PLOD2: variants seen among roughly 807,000 people sequenced by gnomAD.
PLOD2 encodes the protein lysine hydroxylase 2.
In PLOD2, 65 loss-of-function variants were observed where a neutral mutation model predicts 101.0. That is an observed-to-expected ratio of 0.64 (90% CI 0.53 to 0.79). The LOEUF (loss-of-function observed/expected upper bound fraction) is 0.79. PLOD2 is among the 30% of genes least tolerant of loss of function. PLOD2 has a pLI of 0.00. For synonymous variants in PLOD2, 314 were observed against 302.9 expected, an observed-to-expected ratio of 1.04 and a Z score of -0.38; for missense variants, 909 against 914.6, an observed-to-expected ratio of 0.99 and a Z score of 0.08.
chr3:146,142,672 C>G (rs1310913199), intron 1 of PLOD2, among the ~76,000 whole-genome samples: 1 of 152,066 alleles, frequency 6.6e-6, no homozygotes, highest in East Asian at 1.9e-4. Context: ...AGTTCTTGCC[C>G]TTAAACAAAG....
At chr3:146,074,129 T>C (rs1936246773) in intron 15 of PLOD2, among the ~76,000 whole-genome samples, 1 of 151,516 alleles carries the variant, frequency 6.6e-6, no homozygotes, top group Non-Finnish European at 1.5e-5. Context: ...CACAAAGATA[T>C]CTCAACTTTT....
intron 7 of PLOD2, among the ~76,000 whole-genome samples, chr3:146,097,801 A>AT (rs879805089): frequency 0.022 from 2,144 of 98,812 alleles, 25 homozygotes; most frequent in Non-Finnish European, 0.033. Context: ...TCAATAAAAA[A>AT]AAAATAATAA....
chr3:146,094,451 G>A (rs898779773), intron 7 of PLOD2, among the ~76,000 whole-genome samples: 3 of 152,012 alleles, frequency 2.0e-5, no homozygotes, highest in Admixed American at 2.0e-4. Context: ...ATAATAGACA[G>A]AGAGCCAAAT....
rs756463767 is a variant in PLOD2 at position 146,102,717 on chromosome 3, C to T, written c.777+38G>A. On this transcript the variant is annotated intron_variant, in intron 7 of 19. Coordinates refer to ENST00000282903, the MANE Select transcript of PLOD2 (RefSeq NM_182943.3). The stretch of plus-strand genomic sequence containing the variant: ...TTCCACATATCAATCCATAGTCTAT[C>T]TCCAAGAATTGGCCAAATAAAAGTA... 24 of 1,000,376 alleles carry T rather than the reference C, an allele frequency of 2.4e-5. No individual in the cohort carries two copies. In the South Asian group the frequency reaches 2.9e-4, roughly 12 times the overall value. The allele number at this position is 1,000,376 out of a possible 1,614,324, so 62.0% of individuals were successfully genotyped here.
At chr3:146,149,630 AATAAG>A (rs1316686247) in intron 1 of PLOD2, among the ~76,000 whole-genome samples, 1 of 152,208 alleles carries the variant, frequency 6.6e-6, no homozygotes, top group African/African-American at 2.4e-5. Flanking sequence ...AAGTGATATT[AATAAG>A]ATAAAAGTTT....
At chr3:146,151,491 C>T (rs887623727) in intron 1 of PLOD2, among the ~76,000 whole-genome samples, 1 of 151,196 alleles carries the variant, frequency 6.6e-6, no homozygotes, top group African/African-American at 2.4e-5. Flanking sequence ...GAACGAAACT[C>T]CGTTTCAAAA....
At chr3:146,112,141 T>C (rs764183322) in intron 3 of PLOD2, among the ~76,000 whole-genome samples, 4 of 152,206 alleles carry the variant, frequency 2.6e-5, no homozygotes, top group Non-Finnish European at 5.9e-5. Context: ...AGCAATCCCA[T>C]TGCTGGGTAT....
intron 6 of PLOD2, among the ~76,000 whole-genome samples, chr3:146,103,967 C>A (rs2108056769): frequency 6.6e-6 from 1 of 152,100 alleles, no homozygotes; most frequent in South Asian, 2.1e-4. Context: ...CAAAGAATTT[C>A]ACTAGAAAAT....
chr3:146,110,042 G>T (rs1937600660), intron 4 of PLOD2, among the ~76,000 whole-genome samples: 1 of 152,016 alleles, frequency 6.6e-6, no homozygotes, highest in Non-Finnish European at 1.5e-5. Flanking sequence ...ATCTCTAGAA[G>T]TCACTTAAAT....
chr3:146,101,624 CAGCG>C (rs1937392042), intron 7 of PLOD2, among the ~76,000 whole-genome samples: 1 of 152,194 alleles, frequency 6.6e-6, no homozygotes, highest in Non-Finnish European at 1.5e-5. Context: ...GGAGTAGTGA[CAGCG>C]AGTTATCTAT....
intron 3 of PLOD2, among the ~76,000 whole-genome samples, chr3:146,118,758 G>T (rs1333615052): frequency 6.6e-6 from 1 of 152,092 alleles, no homozygotes; most frequent in East Asian, 1.9e-4. Context: ...CATTAAAAAG[G>T]TTCTTCTTTC....
chr3:146,088,011 A>C (rs969407876), intron 9 of PLOD2, among the ~76,000 whole-genome samples: 3 of 151,792 alleles, frequency 2.0e-5, no homozygotes, highest in African/African-American at 7.2e-5. Context: ...GTTAAATACC[A>C]GTGGTTTTAG....
intron 1 of PLOD2, among the ~76,000 whole-genome samples, chr3:146,130,980 C>T (rs1302794162): frequency 6.6e-6 from 1 of 152,124 alleles, no homozygotes; most frequent in Non-Finnish European, 1.5e-5. Context: ...CTCACTGTGG[C>T]TAAATTATAC....
chr3:146,081,432 C>G (rs1253961710), intron 12 of PLOD2, among the ~76,000 whole-genome samples: 2 of 152,084 alleles, frequency 1.3e-5, no homozygotes, highest in East Asian at 3.8e-4. Context: ...ATCCCCTTTC[C>G]AAGCTTTTAA....
intron 1 of PLOD2, among the ~76,000 whole-genome samples, chr3:146,146,146 C>A (rs897790818): frequency 6.6e-6 from 1 of 152,054 alleles, no homozygotes. Flanking sequence ...TAGAGCTCCA[C>A]GTTAAAAAGC....
chr3:146,096,883 G>GGGGGA (rs1553733073), intron 7 of PLOD2, among the ~76,000 whole-genome samples: 1,198 of 48,008 alleles, frequency 0.025, 144 homozygotes, highest in African/African-American at 0.057. Flanking sequence ...AGGGAGGTGG[G>GGGGGA]GGGGGGGAGT....
chr3:146,118,476 ACT>A (rs66823675), intron 3 of PLOD2, among the ~76,000 whole-genome samples: 62,085 of 151,758 alleles, frequency 0.41, 13,088 homozygotes, highest in East Asian at 0.56. Flanking sequence ...TAAAAATATT[ACT>A]CTTATTTTCA....
Position 146,070,710 on chromosome 3 carries a change from A to T in PLOD2, c.*7T>A. 1 of 1,583,308 alleles carries T rather than the reference A, an allele frequency of 6.3e-7. No homozygotes were observed. Among genetic ancestry groups the T allele is most frequent in the Non-Finnish European group, 8.7e-7 (1 of 1,154,772 alleles). ...AATAAATTTCAATTCAATGAAAAGT[A>T]AATAACTTAGGGATCTATAAATGAC... On this transcript the variant is annotated 3_prime_UTR_variant, in exon 20 of 20. Coordinates refer to ENST00000282903, the MANE Select transcript of PLOD2 (RefSeq NM_182943.3).
chr3:146,083,738 C>T (rs1017233857), intron 11 of PLOD2, among the ~76,000 whole-genome samples: 28 of 151,862 alleles, frequency 1.8e-4, no homozygotes, highest in Middle Eastern at 3.4e-3. Context: ...CCCGCTACCA[C>T]GCCCGGCTAA....
Sources: gnomAD v4.1 joint callset for allele counts (sites outside exome capture counted in the v4.1 genomes callset) on GRCh38, gnomAD v4.1.1 for gene constraint, MANE v1.5 for transcripts, NCBI Gene and HGNC (gene_info 2026-07-23, HGNC 2026-07-21) for gene names.